RXRG: variants seen among roughly 807,000 people sequenced by gnomAD.
The protein encoded by RXRG is retinoic acid receptor RXR-gamma.
In RXRG, 19 loss-of-function variants were observed where a neutral mutation model predicts 49.2. That is an observed-to-expected ratio of 0.39 (90% CI 0.27 to 0.57). The LOEUF (loss-of-function observed/expected upper bound fraction) is 0.57, where lower values mean the gene tolerates loss of function less well. Ranked by LOEUF, RXRG falls within the 20% of genes least tolerant of loss-of-function variation. RXRG has a pLI of 0.64. For missense variants in RXRG, 452 were observed against 592.5 expected, an observed-to-expected ratio of 0.76 and a Z score of 2.46; for synonymous variants, 224 against 216.6, an observed-to-expected ratio of 1.03 and a Z score of -0.30.
chr1:165,412,435 G>A (rs1020671231), intron 4 of RXRG, among the ~76,000 whole-genome samples: 2 of 152,158 alleles, frequency 1.3e-5, no homozygotes, highest in Admixed American at 1.3e-4. Flanking sequence ...ATAGTGAAAA[G>A]AGGGGAAAAA....
chr1:165,422,607 G>T lies in RXRG; in HGVS notation c.298-2593C>A, dbSNP rs559137286. ...GTTTGTGGAGCAAACATGTCCAGTG[G>T]ATGGATGGGAGATAATGCTGAGAAG... On this transcript the variant is annotated intron_variant, in intron 2 of 9. Transcript: ENST00000359842. Among the ~76,000 whole-genome samples the T allele has an allele frequency of 2.0e-5, 3 of 152,316 alleles. No individual in the cohort carries two copies. The South Asian group carries it at 6.2e-4, about 32-fold the overall frequency.
At chr1:165,402,245 T>C (rs1214766273) in intron 9 of RXRG, among the ~76,000 whole-genome samples, 5 of 152,190 alleles carry the variant, frequency 3.3e-5, no homozygotes, top group Admixed American at 2.0e-4. Flanking sequence ...CCACAATGCC[T>C]GGCTAAATTT....
intron 2 of RXRG, among the ~76,000 whole-genome samples, chr1:165,426,453 C>A (rs1482493661): frequency 6.6e-6 from 1 of 152,200 alleles, no homozygotes; most frequent in African/African-American, 2.4e-5. Flanking sequence ...AATCCCTACA[C>A]TAGCTGATCT....
intron 1 of RXRG, among the ~76,000 whole-genome samples, chr1:165,442,070 G>T (rs1340146304): frequency 1.3e-5 from 2 of 152,192 alleles, no homozygotes; most frequent in African/African-American, 2.4e-5. Context: ...AAATCATGGG[G>T]CCCTCTGTAA....
rs556873111 is a variant in RXRG at position 165,413,167 on chromosome 1, A to G, written c.623-2058T>C. ...CTTCCTGTCATAAATGAGGAGTCAT[A>G]TATTGTTATTGGGGGGTAGCTTCTA... On this transcript the variant is annotated intron_variant, in intron 4 of 9. Transcript: ENST00000359842. Among the ~76,000 whole-genome samples the G allele has an allele frequency of 4.7e-4, 72 of 152,250 alleles. 1 individual carries two copies. In the South Asian group the frequency reaches 0.014, roughly 30 times the overall value.
intron 8 of RXRG, among the ~76,000 whole-genome samples, chr1:165,407,866 A>C (rs201112444): frequency 5.8e-5 from 8 of 138,538 alleles, no homozygotes; most frequent in South Asian, 2.3e-4. Context: ...AAAAAAAAAA[A>C]CCCAGAGAGT....
intron 4 of RXRG, among the ~76,000 whole-genome samples, chr1:165,416,742 A>G (rs1422271598): frequency 6.6e-6 from 1 of 152,176 alleles, no homozygotes; most frequent in African/African-American, 2.4e-5. Context: ...TTTGGGGATC[A>G]CCATCTGGGC....
chr1:165,405,736 G>A (rs1299540415), intron 9 of RXRG, among the ~76,000 whole-genome samples: 2 of 152,228 alleles, frequency 1.3e-5, no homozygotes, highest in African/African-American at 4.8e-5. Flanking sequence ...AGATGTTTGT[G>A]TTAAACTGGT....
At chr1:165,444,031 G>A (rs2101753280) in intron 1 of RXRG, among the ~76,000 whole-genome samples, 1 of 152,248 alleles carries the variant, frequency 6.6e-6, no homozygotes, top group South Asian at 2.1e-4. Context: ...ACTAAATCAA[G>A]GGATCCTTGG....
In RXRG at chr1:165,420,636, G is replaced by A. The variant is rs1462291822; in HGVS notation, c.298-622C>T. Reference sequence around the variant, plus strand: ...GCAAGCACACTGAAGATGCTAACTCGAATACATCCCTTATTGTAAGTTAAT... The same window carrying A: ...GCAAGCACACTGAAGATGCTAACTCAAATACATCCCTTATTGTAAGTTAAT... On this transcript the variant is annotated intron_variant, in intron 2 of 9. Transcript: ENST00000359842. Among the ~76,000 whole-genome samples, 7 of 152,246 alleles carry A rather than the reference G, an allele frequency of 4.6e-5. 2 individuals are homozygous for A. The highest frequency in any genetic ancestry group is 4.6e-4 in the Admixed American group (7 of 15,294).
chr1:165,437,060 TCTC>T, intron 1 of RXRG: 1 of 1,304,246 alleles, frequency 7.7e-7, no homozygotes, highest in Non-Finnish European at 1.0e-6. Flanking sequence ...TGACTCAAAA[TCTC>T]CTTTGCTCCT....
intron 1 of RXRG, among the ~76,000 whole-genome samples, chr1:165,441,337 C>T (rs779790138): frequency 2.0e-5 from 3 of 152,154 alleles, no homozygotes; most frequent in Non-Finnish European, 2.9e-5. Context: ...ATTGGAGCAC[C>T]GGGAGCTCCC....
rs747253200 is a variant in RXRG, at chr1:165,420,033, CTGT to C, written c.298-22_298-20del. ...CATTTAGCTGCAAGAGAAAAAAATA[CTGT>C]AAAGCACAGAGCCAGAGTAAATTCA... On this transcript the variant is annotated intron_variant, in intron 2 of 9. Coordinates refer to ENST00000359842, the MANE Select transcript of RXRG (RefSeq NM_006917.5). 1 of 1,572,654 alleles carries C rather than the reference CTGT, an allele frequency of 6.4e-7. No homozygotes were observed. The highest frequency in any genetic ancestry group is 2.3e-5 in the East Asian group (1 of 43,394).
chr1:165,429,799 G>A (rs1484919087), intron 1 of RXRG, among the ~76,000 whole-genome samples: 1 of 152,136 alleles, frequency 6.6e-6, no homozygotes, highest in African/African-American at 2.4e-5. Flanking sequence ...GGGTCTGGGT[G>A]AGGAGGTCAT....
chr1:165,426,067 G>A (rs1658476035), intron 2 of RXRG, among the ~76,000 whole-genome samples: 1 of 152,228 alleles, frequency 6.6e-6, no homozygotes, highest in Non-Finnish European at 1.5e-5. Flanking sequence ...GGCTCCCCAA[G>A]TCTTGGTACT....
intron 7 of RXRG, among the ~76,000 whole-genome samples, chr1:165,409,187 C>G (rs760484482): frequency 6.6e-6 from 1 of 152,138 alleles, no homozygotes; most frequent in Non-Finnish European, 1.5e-5. Context: ...CCAGGATAAA[C>G]AGTTCACCCT....
At chr1:165,413,417 C>T (rs928834548) in intron 4 of RXRG, among the ~76,000 whole-genome samples, 1 of 152,124 alleles carries the variant, frequency 6.6e-6, no homozygotes, top group African/African-American at 2.4e-5. Context: ...TCATTTAATC[C>T]TCACAATAAT....
chr1:165,439,599 G>A (rs1284056866), intron 1 of RXRG, among the ~76,000 whole-genome samples: 2 of 152,208 alleles, frequency 1.3e-5, no homozygotes, highest in South Asian at 2.1e-4. Flanking sequence ...CAGAAGGAGG[G>A]CCTCTTCTAC....
At chr1:165,402,755 C>T (rs995913830) in intron 9 of RXRG, among the ~76,000 whole-genome samples, 25 of 152,130 alleles carry the variant, frequency 1.6e-4, no homozygotes, top group African/African-American at 5.1e-4. Flanking sequence ...TGCACACACA[C>T]CTTCACACAC....
Sources: gnomAD v4.1 joint callset for allele counts (sites outside exome capture counted in the v4.1 genomes callset) on GRCh38, gnomAD v4.1.1 for gene constraint, MANE v1.5 for transcripts, NCBI Gene and HGNC (gene_info 2026-07-23, HGNC 2026-07-21) for gene names.